Variants in KIAA0825 observed in about 807,000 individuals in gnomAD.
KIAA0825 encodes the protein uncharacterized protein KIAA0825.
In KIAA0825, 119 loss-of-function variants were observed where a neutral mutation model predicts 147.6. The ratio of observed to expected loss-of-function variants is 0.81; its 90% CI spans 0.69 to 0.94. KIAA0825 has a LOEUF of 0.94. Among genes scored for constraint, KIAA0825 ranks in the 40% least tolerant of loss-of-function variants. The probability of loss-of-function intolerance (pLI) is 0.00; values close to 1 mark genes in which losing one functional copy is unlikely to be tolerated. For synonymous variants in KIAA0825, 470 were observed against 518.1 expected, an observed-to-expected ratio of 0.91 and a Z score of 1.26; for missense variants, 1,381 against 1,472.7, an observed-to-expected ratio of 0.94 and a Z score of 1.02.
At chr5:94,572,254 C>T (rs1780119709) in intron 2 of KIAA0825, among the ~76,000 whole-genome samples, 1 of 152,210 alleles carries the variant, frequency 6.6e-6, no homozygotes, top group African/African-American at 2.4e-5. Flanking sequence ...ACTTCTGCTA[C>T]TACCATCACC....
chr5:94,420,554 T>C (rs1204504344), intron 14 of KIAA0825, among the ~76,000 whole-genome samples: 1 of 152,180 alleles, frequency 6.6e-6, no homozygotes, highest in Non-Finnish European at 1.5e-5. Flanking sequence ...TTTTCACATA[T>C]ATTGTCTTGT....
intron 20 of KIAA0825, among the ~76,000 whole-genome samples, chr5:94,246,755 G>A (rs1775642113): frequency 6.6e-6 from 1 of 152,082 alleles, no homozygotes; most frequent in African/African-American, 2.4e-5. Flanking sequence ...CTGAATCTCA[G>A]AGAGGTTCAG....
chr5:94,342,010 G>A (rs1236519896), intron 20 of KIAA0825, among the ~76,000 whole-genome samples: 2 of 152,056 alleles, frequency 1.3e-5, no homozygotes, highest in African/African-American at 4.8e-5. Context: ...TGGCCAACGT[G>A]GTGAAACCCC....
At chr5:94,179,866 A>G (rs1769442651) in intron 20 of KIAA0825, among the ~76,000 whole-genome samples, 1 of 152,046 alleles carries the variant, frequency 6.6e-6, no homozygotes, top group South Asian at 2.1e-4. Flanking sequence ...ACTAATATAA[A>G]TAATAACTGA....
intron 20 of KIAA0825, among the ~76,000 whole-genome samples, chr5:94,336,744 G>A (rs1012595442): frequency 6.6e-6 from 1 of 152,050 alleles, no homozygotes; most frequent in African/African-American, 2.4e-5. Flanking sequence ...GTCTTTATAG[G>A]AGAATGATTT....
chr5:94,235,384 G>C (rs1774983175), intron 20 of KIAA0825, among the ~76,000 whole-genome samples: 1 of 152,216 alleles, frequency 6.6e-6, no homozygotes, highest in Non-Finnish European at 1.5e-5. Context: ...TTAATCCAGA[G>C]TAAGACCCTG....
chr5:94,441,654 G>C (rs1005399596), intron 13 of KIAA0825, among the ~76,000 whole-genome samples: 2 of 152,078 alleles, frequency 1.3e-5, no homozygotes, highest in Non-Finnish European at 2.9e-5. Context: ...CAAGAAGTTC[G>C]CTATGGGAAA....
At chr5:94,183,444 A>G (rs1769847115) in intron 20 of KIAA0825, among the ~76,000 whole-genome samples, 1 of 152,176 alleles carries the variant, frequency 6.6e-6, no homozygotes, top group Admixed American at 6.5e-5. Context: ...TCTAAGACCC[A>G]GTGATAAGAG....
In KIAA0825 at chr5:94,465,046, G is replaced by T; in HGVS notation, c.1886C>A (p.Ser629Tyr). The T allele has an allele frequency of 1.3e-6, 2 of 1,551,282 alleles. No individual in the cohort carries two copies. The highest frequency in any genetic ancestry group is 1.7e-6 in the Non-Finnish European group (2 of 1,146,764). Reference sequence around the variant, plus strand: ...ATAATGCCACATCTGGATCGAGAAGGAACATCTTTCCCCCTGGCAAAGCCA... The same window carrying T: ...ATAATGCCACATCTGGATCGAGAAGTAACATCTTTCCCCCTGGCAAAGCCA... ...YKAFYEGERC[S>Y]FSIQMWHYFC... is the part of the protein sequence containing the mutation. The change falls in exon 11 of 21, where the codon TCC becomes TAC. Residue 629 changes from serine (S) to tyrosine (Y), a missense_variant. Ser to Tyr is a moderately radical substitution (Grantham distance 144). Coordinates refer to ENST00000682413, the MANE Select transcript of KIAA0825 (RefSeq NM_001145678.3).
chr5:94,172,228 C>G (rs922454998), intron 20 of KIAA0825, among the ~76,000 whole-genome samples: 4 of 152,164 alleles, frequency 2.6e-5, no homozygotes, highest in Non-Finnish European at 4.4e-5. Flanking sequence ...CAATCTTGGA[C>G]TTGAACTCAG....
intron 14 of KIAA0825, among the ~76,000 whole-genome samples, chr5:94,436,256 G>T (rs146342995): frequency 3.3e-5 from 5 of 151,886 alleles, no homozygotes; most frequent in African/African-American, 9.7e-5. Flanking sequence ...TTATGGTTTT[G>T]GGTTTTACAT....
intron 20 of KIAA0825, among the ~76,000 whole-genome samples, chr5:94,216,288 G>A (rs1773190269): frequency 6.6e-6 from 1 of 152,188 alleles, no homozygotes; most frequent in African/African-American, 2.4e-5. Flanking sequence ...GATCACTGTG[G>A]AAGTAAATGG....
rs1750673178 is a variant in KIAA0825 at position 94,396,529 on chromosome 5, G to C, written c.2888-20C>G. Reference sequence around the variant, plus strand: ...TGAAGCCTGGGGAAGAAAAGAAAAGGTATGATTAATATTAGCATTTGCGTT... The same window carrying C: ...TGAAGCCTGGGGAAGAAAAGAAAAGCTATGATTAATATTAGCATTTGCGTT... On this transcript the variant is annotated intron_variant, in intron 16 of 20. Transcript: ENST00000682413. The C allele has an allele frequency of 6.8e-7, 1 of 1,463,468 alleles. No individual in the cohort carries two copies. The highest frequency in any genetic ancestry group is 9.0e-7 in the Non-Finnish European group (1 of 1,107,828). 90.7% of individuals were successfully genotyped at this position (1,463,468 alleles called of 1,614,324 possible). A position where few individuals can be genotyped will look rare whatever the true frequency, so the allele number is the denominator to read the frequency against.
intron 20 of KIAA0825, among the ~76,000 whole-genome samples, chr5:94,227,702 C>T (rs911856957): frequency 2.6e-5 from 4 of 151,848 alleles, no homozygotes; most frequent in African/African-American, 4.8e-5. Flanking sequence ...AACCATCATT[C>T]TCTGCAAACT....
chr5:94,281,786 A>G (rs1044345834), intron 20 of KIAA0825, among the ~76,000 whole-genome samples: 8 of 152,098 alleles, frequency 5.3e-5, no homozygotes, highest in African/African-American at 1.9e-4. Flanking sequence ...TTGTAGATAA[A>G]TAAATTCCCC....
chr5:94,537,598 C>T (rs554015355), intron 2 of KIAA0825, among the ~76,000 whole-genome samples: 18 of 145,450 alleles, frequency 1.2e-4, no homozygotes, highest in South Asian at 8.5e-4. Flanking sequence ...CAGTGAGCCG[C>T]GATTGCGCCA....
chr5:94,268,957 T>C (rs2150140338), intron 20 of KIAA0825, among the ~76,000 whole-genome samples: 1 of 152,246 alleles, frequency 6.6e-6, no homozygotes, highest in East Asian at 1.9e-4. Context: ...CTCAATATTG[T>C]TGAATAAAGG....
At chr5:94,351,112 TAAG>T (rs2150364318) in intron 20 of KIAA0825, among the ~76,000 whole-genome samples, 1 of 152,128 alleles carries the variant, frequency 6.6e-6, no homozygotes, top group African/African-American at 2.4e-5. Context: ...CCAAATTGGT[TAAG>T]AGGAGGTCAA....
At chr5:94,364,789 G>A (rs1053374687) in intron 20 of KIAA0825, among the ~76,000 whole-genome samples, 14 of 152,118 alleles carry the variant, frequency 9.2e-5, no homozygotes, top group African/African-American at 3.4e-4. Context: ...TCCTCGGTAA[G>A]GTTTTCCTTT....
Sources: gnomAD v4.1 joint callset for allele counts (sites outside exome capture counted in the v4.1 genomes callset) on GRCh38, gnomAD v4.1.1 for gene constraint, MANE v1.5 for transcripts, NCBI Gene and HGNC (gene_info 2026-07-23, HGNC 2026-07-21) for gene names.